The following C7 variants were observed in gnomAD, a reference collection of about 807,000 sequenced individuals.
C7 encodes complement component C7.
In C7, 83 loss-of-function variants were observed where a neutral mutation model predicts 104.8. That is an observed-to-expected ratio of 0.79 (90% confidence interval 0.66 to 0.95). The LOEUF is 0.95. Ranked by LOEUF, C7 falls within the 40% of genes least tolerant of loss-of-function variation. The pLI is 0.00. For synonymous variants in C7, 415 were observed against 360.6 expected (o/e 1.15, Z -1.71); for missense variants, 1,070 against 1,011.2 (o/e 1.06, Z -0.79).
intron 4 of C7, among the ~76,000 whole-genome samples, chr5:40,936,047 A>G (rs1394235839): frequency 1.3e-5 from 2 of 152,142 alleles, no homozygotes; most frequent in African/African-American, 4.8e-5. Flanking sequence ...AGTAGTCGGA[A>G]TTATATAATT....
chr5:40,949,382 A>G (rs1740118281), intron 8 of C7, among the ~76,000 whole-genome samples: 1 of 151,550 alleles, frequency 6.6e-6, no homozygotes, highest in Non-Finnish European at 1.5e-5. Context: ...AACACAAAAA[A>G]CTCCCCTTGA....
intron 1 of C7, among the ~76,000 whole-genome samples, chr5:40,912,513 G>A (rs113110987): frequency 0.025 from 3,812 of 152,010 alleles, 171 homozygotes; most frequent in African/African-American, 0.085. Context: ...TGAGTAGCTG[G>A]GACTACAGGT....
rs1232125944 is a variant in C7 at position 40,983,745 on chromosome 5, A to G, written c.*2172A>G. 6.6e-6 allele frequency among the ~76,000 whole-genome samples: 1 copy of G among 152,188 alleles called. No individual in the cohort carries two copies. Among genetic ancestry groups the G allele is most frequent in the Admixed American group, 6.5e-5 (1 of 15,276 alleles). On this transcript the variant is annotated 3_prime_UTR_variant, in exon 18 of 18. Coordinates refer to ENST00000313164, the MANE Select transcript of C7 (RefSeq NM_000587.4). The stretch of plus-strand genomic sequence containing the variant: ...AATAAGTTCTTGAACACCTATGGAG[A>G]GGCTTTGAGGAAAGTTAAGGGAATG...
chr5:40,981,356 A>G, intron 17 of C7, 36 bp from the exon 18 acceptor site: 4 of 1,585,614 alleles, frequency 2.5e-6, no homozygotes, highest in Non-Finnish European at 2.6e-6. Flanking sequence ...CGACCTCCAC[A>G]ATGTACCATT....
In C7 at chr5:40,955,265, T is replaced by C. The variant is rs184183654; in HGVS notation, c.1094-122T>C. On this transcript the variant is annotated intron_variant, in intron 9 of 17. Transcript: ENST00000313164. ...TGCCTATTCATCCCTCCCTTCTTTC[T>C]GACCACAATTTATCTTTTGACTGTT... 2.6e-3 allele frequency: 2,323 copies of C among 885,832 alleles called. 6 individuals are homozygous for C. The highest frequency in any genetic ancestry group is 3.5e-3 in the Non-Finnish European group (2,032 of 573,160). 54.9% of individuals were successfully genotyped at this position (885,832 alleles called of 1,614,324 possible). A position where few individuals can be genotyped will look rare whatever the true frequency, so the allele number is the denominator to read the frequency against.
intron 1 of C7, among the ~76,000 whole-genome samples, 156 bp from the exon 2 acceptor site, chr5:40,928,424 G>C (rs762606320): frequency 6.6e-6 from 1 of 152,156 alleles, no homozygotes; most frequent in African/African-American, 2.4e-5. Flanking sequence ...TTAGGTGATA[G>C]ATATGTTAAC....
At chr5:40,911,711 C>T (rs1008475798) in intron 1 of C7, among the ~76,000 whole-genome samples, 11 of 150,708 alleles carry the variant, frequency 7.3e-5, no homozygotes, top group African/African-American at 9.7e-5. Flanking sequence ...TGACACAGAA[C>T]AAAAATACCA....
chr5:40,914,351 T>C (rs749823749), intron 1 of C7, among the ~76,000 whole-genome samples: 7 of 152,228 alleles, frequency 4.6e-5, no homozygotes, highest in Non-Finnish European at 1.0e-4. Flanking sequence ...TTCTTGTAGA[T>C]TCTGGATATT....
chr5:40,959,191 G>C (rs1219804456), intron 11 of C7, among the ~76,000 whole-genome samples: 2 of 152,200 alleles, frequency 1.3e-5, no homozygotes, highest in African/African-American at 4.8e-5. Flanking sequence ...GTACGTAAAA[G>C]TGCTTTGAAA....
At position 40,978,171 on chromosome 5, in the gene C7, A is replaced by C. The variant is rs1387052990; in HGVS notation, c.2165+1331A>C. On this transcript the variant is annotated intron_variant, in intron 16 of 17. Coordinates refer to ENST00000313164, the MANE Select transcript of C7 (RefSeq NM_000587.4). The stretch of plus-strand genomic sequence containing the variant: ...AAAAAAAAAAAAAAAGAACCAAAAC[A>C]CTAATTACTTGGTTTTCAATGATTT... Among the ~76,000 whole-genome samples the C allele has an allele frequency of 2.0e-5, 3 of 150,854 alleles. No individual in the cohort carries two copies. The East Asian group carries it at 5.8e-4, about 29-fold the overall frequency.
intron 2 of C7, among the ~76,000 whole-genome samples, chr5:40,929,215 G>A (rs1739622466): frequency 6.6e-6 from 1 of 152,086 alleles, no homozygotes. Flanking sequence ...AGCATGCTGG[G>A]TGATTCGTAT....
At chr5:40,961,279 T>C (rs1561254009) in intron 12 of C7, among the ~76,000 whole-genome samples, 1 of 152,218 alleles carries the variant, frequency 6.6e-6, no homozygotes, top group Non-Finnish European at 1.5e-5. Flanking sequence ...AGATAATGCA[T>C]ATATGCAGAG....
Position 40,937,627 on chromosome 5 carries a change from G to A in C7, c.504G>A (p.Val168=). The part of the protein sequence containing the change: ...TKSFGGQCRK[V]FSGDGKDFYR... Reference sequence around the variant, plus strand: ...GTTTTGGTGGTCAATGTAGAAAGGTGTTTAGTGGGGATGGAAAAGATTTCT... The same window carrying A: ...GTTTTGGTGGTCAATGTAGAAAGGTATTTAGTGGGGATGGAAAAGATTTCT... The change falls in exon 6 of 18, where the codon GTG becomes GTA. Residue 168 remains valine (V), a synonymous_variant. Coordinates refer to ENST00000313164, the MANE Select transcript of C7 (RefSeq NM_000587.4). 6.2e-7 allele frequency: 1 copy of A among 1,612,174 alleles called. No individual in the cohort carries two copies. Among genetic ancestry groups the A allele is most frequent in the Admixed American group, 1.7e-5 (1 of 59,790 alleles).
At position 40,945,364 on chromosome 5, in the gene C7, G is replaced by T; in HGVS notation, c.734G>T (p.Gly245Val). 6.3e-7 allele frequency: 1 copy of T among 1,581,092 alleles called. No individual in the cohort carries two copies. The change falls in exon 7 of 18, where the codon GGA becomes GTA. Residue 245 changes from glycine to valine, a missense_variant. By Grantham distance (109) the Gly-to-Val change is moderately radical. Transcript: ENST00000313164. ...YTSHTNEIHK[G>V]KSYQLLVVEN... ...TCACATACCAATGAAATCCATAAAGGAAAGGTTAGTATAAAATGTCAGTTA... is the reference window on the plus strand; with the variant it reads ...TCACATACCAATGAAATCCATAAAGTAAAGGTTAGTATAAAATGTCAGTTA...
At chr5:40,950,407 G>C (rs1740143744) in intron 9 of C7, among the ~76,000 whole-genome samples, 1 of 152,120 alleles carries the variant, frequency 6.6e-6, no homozygotes, top group Admixed American at 6.6e-5. Context: ...TGGCTCCATA[G>C]TATTCTATGG....
intron 3 of C7, among the ~76,000 whole-genome samples, chr5:40,932,875 G>A (rs1739725231): frequency 6.6e-6 from 1 of 152,082 alleles, no homozygotes; most frequent in Admixed American, 6.6e-5. Context: ...AAAGAGACAA[G>A]TGAAAATGAG....
chr5:40,949,804 C>A, intron 8 of C7, 100 bp from the exon 9 acceptor site: 2 of 725,050 alleles, frequency 2.8e-6, no homozygotes, highest in Non-Finnish European at 4.9e-6. Flanking sequence ...GATTAGATGG[C>A]CATAGTAGCA....
chr5:40,961,608 A>G, intron 12 of C7, among the ~76,000 whole-genome samples: 1 of 151,708 alleles, frequency 6.6e-6, no homozygotes, highest in East Asian at 1.9e-4. Context: ...TGGTCTCGGA[A>G]CTCCTGACCT....
In C7 at chr5:40,956,320, C is replaced by T. The variant is rs371599257; in HGVS notation, c.1260+767C>T. 7.3e-4 allele frequency among the ~76,000 whole-genome samples: 111 copies of T among 152,176 alleles called. 3 individuals carry two copies. The South Asian group carries it at 0.021, about 29-fold the overall frequency. On this transcript the variant is annotated intron_variant, in intron 10 of 17. Coordinates refer to ENST00000313164, the MANE Select transcript of C7 (RefSeq NM_000587.4). ...GAGTTACTGTGAAGTGCTAGAAGGACGCCAGTCAGAAACCCGACAGACATT... is the reference window on the plus strand; with the variant it reads ...GAGTTACTGTGAAGTGCTAGAAGGATGCCAGTCAGAAACCCGACAGACATT...
Sources: gnomAD v4.1 joint callset for allele counts (sites outside exome capture counted in the v4.1 genomes callset) on GRCh38, gnomAD v4.1.1 for gene constraint, MANE v1.5 for transcripts, NCBI Gene and HGNC (gene_info 2026-07-23, HGNC 2026-07-21) for gene names.